SPAG17: variants seen among roughly 807,000 people sequenced by gnomAD.
The protein encoded by SPAG17 is sperm associated antigen 17, also known as sperm-associated antigen 17.
SPAG17 carries 169 observed loss-of-function variants against 273.6 expected under a neutral mutation model. That is an observed-to-expected ratio of 0.62 (90% CI 0.55 to 0.70). The LOEUF (loss-of-function observed/expected upper bound fraction) is 0.70, where lower values mean the gene tolerates loss of function less well. Ranked by LOEUF, SPAG17 falls within the 30% of genes least tolerant of loss-of-function variation. The probability of loss-of-function intolerance (pLI) is 0.00; values close to 1 mark genes in which losing one functional copy is unlikely to be tolerated. For missense variants in SPAG17, 2,557 were observed against 2,627.8 expected, an observed-to-expected ratio of 0.97 and a Z score of 0.59; for synonymous variants, 825 against 873.2, an observed-to-expected ratio of 0.94 and a Z score of 0.97.
chr1:118,056,535 G>C (rs1299641342), intron 18 of SPAG17, among the ~76,000 whole-genome samples: 3 of 152,112 alleles, frequency 2.0e-5, no homozygotes, highest in Non-Finnish European at 2.9e-5. Flanking sequence ...ATACTGACTA[G>C]TGTAATTATT....
At position 118,097,738 on chromosome 1, in the gene SPAG17, C is replaced by A. The variant is rs1319357552; in HGVS notation, c.943G>T (p.Val315Phe). The part of the protein sequence containing the change: ...NEKPETNLFD[V>F]ARLEYMVKAA... The stretch of plus-strand genomic sequence containing the variant: ...TTGACCATGTACTCAAGTCGAGCAA[C>A]ATCAAAGAGATTTGTTTCAGGTTTC... Residue 315 changes from valine (V) to phenylalanine (F), a missense_variant, in exon 7 of 49, where the codon GTT (valine) becomes TTT (phenylalanine). Coordinates refer to ENST00000336338, the MANE Select transcript of SPAG17 (RefSeq NM_206996.4). 6.2e-7 allele frequency: 1 copy of A among 1,610,920 alleles called. No homozygotes were observed. Among genetic ancestry groups the A allele is most frequent in the Non-Finnish European group, 8.5e-7 (1 of 1,178,866 alleles).
intron 17 of SPAG17, 137 bp from the exon 18 acceptor site, chr1:118,067,036 G>T (rs769887596): frequency 5.3e-6 from 4 of 755,190 alleles, no homozygotes; most frequent in Admixed American, 7.1e-5. Context: ...ATTCCCAGAG[G>T]TTTCTTTCCT....
chr1:117,971,949 T>C lies in SPAG17; in HGVS notation c.6240A>G (p.Pro2080=). The change falls in exon 45 of 49, where the codon CCA becomes CCG. Residue 2080 remains proline, a synonymous_variant. Coordinates refer to ENST00000336338, the MANE Select transcript of SPAG17 (RefSeq NM_206996.4). ...TAAGCACTCCAAACTTGACTGATGATGGGAGAAGATGGAACCCAAAAAGGG... is the reference window on the plus strand; with the variant it reads ...TAAGCACTCCAAACTTGACTGATGACGGGAGAAGATGGAACCCAAAAAGGG... The part of the protein sequence containing the change: ...KSSLFGFHLL[P]SSVKFGVLKE... 6.2e-7 allele frequency: 1 copy of C among 1,614,098 alleles called. No homozygotes were observed. Among genetic ancestry groups the C allele is most frequent in the Middle Eastern group, 1.6e-4 (1 of 6,062 alleles).
intron 3 of SPAG17, among the ~76,000 whole-genome samples, chr1:118,140,185 A>G (rs1210778407): frequency 3.3e-5 from 5 of 152,210 alleles, no homozygotes; most frequent in Non-Finnish European, 5.9e-5. Context: ...ACCCAATTTC[A>G]GGTATTGTTA....
In SPAG17 at chr1:118,137,818, A is replaced by G. The variant is rs191516081; in HGVS notation, c.315+12725T>C. ...CTTTTCAATATATAAATGAATTTCTATCCAATAGTCAATCCTCCCAGCCTA... is the reference window on the plus strand; with the variant it reads ...CTTTTCAATATATAAATGAATTTCTGTCCAATAGTCAATCCTCCCAGCCTA... On this transcript the variant is annotated intron_variant, in intron 3 of 48. Transcript: ENST00000336338. 9.0e-3 allele frequency among the ~76,000 whole-genome samples: 1,368 copies of G among 152,328 alleles called. 8 individuals are homozygous for G. Among genetic ancestry groups the G allele is most frequent in the Non-Finnish European group, 0.015 (1,018 of 68,024 alleles).
intron 3 of SPAG17, among the ~76,000 whole-genome samples, chr1:118,135,355 T>C (rs1658280342): frequency 6.7e-6 from 1 of 150,248 alleles, no homozygotes; most frequent in Non-Finnish European, 1.5e-5. Context: ...AAAACTGTGG[T>C]TTATCAGCTC....
chr1:118,042,480 T>A (rs1218748489), intron 20 of SPAG17, among the ~76,000 whole-genome samples: 1 of 152,140 alleles, frequency 6.6e-6, no homozygotes, highest in African/African-American at 2.4e-5. Context: ...TCAAAAATGA[T>A]GGATAACATA....
chr1:118,164,238 T>C (rs908303450), intron 1 of SPAG17, among the ~76,000 whole-genome samples: 3 of 152,208 alleles, frequency 2.0e-5, no homozygotes, highest in African/African-American at 7.2e-5. Flanking sequence ...AGTCCGTATT[T>C]TTGACTTCTT....
chr1:118,165,818 T>C (rs1660147473), intron 1 of SPAG17, among the ~76,000 whole-genome samples: 1 of 151,972 alleles, frequency 6.6e-6, no homozygotes, highest in African/African-American at 2.4e-5. Flanking sequence ...GCTAATTTTG[T>C]ATTTTTTGTA....
At chr1:118,054,353 GTC>G (rs34784674) in intron 19 of SPAG17, among the ~76,000 whole-genome samples, 3 of 150,890 alleles carry the variant, frequency 2.0e-5, no homozygotes, top group African/African-American at 2.4e-5. Flanking sequence ...TTGAACTGTA[GTC>G]TCTCTCTCTC....
chr1:118,076,733 A>AT (rs34352768), intron 15 of SPAG17, among the ~76,000 whole-genome samples: 119 of 150,956 alleles, frequency 7.9e-4, no homozygotes, highest in African/African-American at 2.6e-3. Context: ...AGTAAAAATC[A>AT]TTTTTTTTTC....
intron 1 of SPAG17, among the ~76,000 whole-genome samples, chr1:118,172,664 A>G (rs1449837704): frequency 6.6e-6 from 1 of 152,204 alleles, no homozygotes; most frequent in Non-Finnish European, 1.5e-5. Flanking sequence ...CAATCCTGGT[A>G]TTCTGAAGAA....
At chr1:117,977,776 C>T (rs1655298606) in intron 43 of SPAG17, among the ~76,000 whole-genome samples, 1 of 152,260 alleles carries the variant, frequency 6.6e-6, no homozygotes, top group Non-Finnish European at 1.5e-5. Flanking sequence ...TTCTTTGAAG[C>T]TTGTGCCATC....
At chr1:118,165,658 T>TC (rs1414589152) in intron 1 of SPAG17, among the ~76,000 whole-genome samples, 11 of 146,616 alleles carry the variant, frequency 7.5e-5, no homozygotes, top group Admixed American at 7.4e-4. Context: ...TTTTTTTTTT[T>TC]TTTTTGAGAC....
At chr1:117,976,048 G>C (rs1655099196) in intron 43 of SPAG17, among the ~76,000 whole-genome samples, 2 of 152,122 alleles carry the variant, frequency 1.3e-5, no homozygotes, top group South Asian at 2.1e-4. Context: ...AGAGATAAAG[G>C]GTTTAAATAA....
At chr1:118,184,964 G>A in intron 1 of SPAG17, 107 bp downstream of exon 1, 2 of 930,152 alleles carry the variant, frequency 2.2e-6, no homozygotes, top group Admixed American at 4.0e-5. Context: ...ATCAGGCCAC[G>A]GAGAGATACG....
chr1:118,064,372 G>A (rs993210226), intron 18 of SPAG17, among the ~76,000 whole-genome samples: 1 of 151,556 alleles, frequency 6.6e-6, no homozygotes, highest in Non-Finnish European at 1.5e-5. Flanking sequence ...TTAAGAAAAT[G>A]TGGCACATAT....
At chr1:117,991,910 G>A (rs981494022) in intron 36 of SPAG17, among the ~76,000 whole-genome samples, 1 of 152,076 alleles carries the variant, frequency 6.6e-6, no homozygotes, top group Admixed American at 6.6e-5. Context: ...TCATGTCTTT[G>A]CTTCGAAGAG....
chr1:118,139,887 G>A (rs1465877665), intron 3 of SPAG17, among the ~76,000 whole-genome samples: 1 of 152,138 alleles, frequency 6.6e-6, no homozygotes, highest in African/African-American at 2.4e-5. Context: ...AGTATGATAG[G>A]TGGGACCTTT....
Sources: allele counts gnomAD v4.1 joint callset (sites outside exome capture counted in the v4.1 genomes callset), GRCh38; gene constraint gnomAD v4.1.1; transcripts MANE v1.5; gene names NCBI Gene and HGNC (gene_info 2026-07-23, HGNC 2026-07-21).